Variants in MSRA observed in about 807,000 individuals in gnomAD.
The protein encoded by MSRA is methionine sulfoxide reductase A, also known as mitochondrial peptide methionine sulfoxide reductase.
MSRA carries 54 observed loss-of-function variants against 31.3 expected under a neutral mutation model. The ratio of observed to expected loss-of-function variants is 1.73; its 90% CI spans 1.39 to 2.17. The LOEUF (loss-of-function observed/expected upper bound fraction) is 2.17, where lower values mean the gene tolerates loss of function less well. MSRA is among the 30% of genes most tolerant of loss of function. The pLI is 0.00. For missense variants in MSRA, 507 were observed against 300.9 expected (o/e 1.69, Z -5.07); for synonymous variants, 169 against 116.5 (o/e 1.45, Z -2.90).
intron 1 of MSRA, among the ~76,000 whole-genome samples, chr8:10,111,887 A>T (rs999102316): frequency 2.0e-5 from 3 of 152,142 alleles, no homozygotes; most frequent in African/African-American, 7.2e-5. Flanking sequence ...ACGGAGGAGG[A>T]TGGTGACACT....
intron 1 of MSRA, among the ~76,000 whole-genome samples, chr8:10,112,027 A>G (rs1219579391): frequency 8.4e-6 from 1 of 119,142 alleles, no homozygotes; most frequent in African/African-American, 2.6e-5. Flanking sequence ...TCTTTTTAAG[A>G]CTCAGTTTTT....
At chr8:10,419,001 C>T (rs1190659881) in intron 5 of MSRA, among the ~76,000 whole-genome samples, 3 of 151,834 alleles carry the variant, frequency 2.0e-5, no homozygotes, top group Non-Finnish European at 4.4e-5. Context: ...GTCAGTCCTA[C>T]TAAGGCGGGA....
intron 4 of MSRA, among the ~76,000 whole-genome samples, chr8:10,302,303 A>C (rs1399606976): frequency 6.6e-6 from 1 of 152,258 alleles, no homozygotes; most frequent in African/African-American, 2.4e-5. Context: ...AAGCAATTTC[A>C]AGATCGCATC....
intron 4 of MSRA, among the ~76,000 whole-genome samples, chr8:10,317,164 T>G (rs1801772890): frequency 1.3e-5 from 2 of 152,222 alleles, no homozygotes; most frequent in African/African-American, 4.8e-5. Flanking sequence ...AGATAGCGAT[T>G]TCAGACCCTG....
chr8:10,168,698 T>TA (rs1190665950), intron 1 of MSRA, among the ~76,000 whole-genome samples: 4 of 152,154 alleles, frequency 2.6e-5, no homozygotes, highest in Non-Finnish European at 4.4e-5. Context: ...CGACCACACT[T>TA]CTGTTTTCAG....
intron 1 of MSRA, among the ~76,000 whole-genome samples, chr8:10,106,443 T>G (rs891762961): frequency 1.3e-5 from 2 of 152,214 alleles, no homozygotes; most frequent in Non-Finnish European, 2.9e-5. Flanking sequence ...CTCTACTGTT[T>G]AAAAGTTTTA....
At chr8:10,387,225 G>C (rs887189415) in intron 5 of MSRA, among the ~76,000 whole-genome samples, 1 of 152,204 alleles carries the variant, frequency 6.6e-6, no homozygotes, top group African/African-American at 2.4e-5. Context: ...TAACATGATC[G>C]ATGTCACAAA....
Position 10,095,436 on chromosome 8 carries a change from T to G in MSRA, c.142+40778T>G, listed in dbSNP as rs115962550. ...GGTACCGTACCACGGTTTCCTGTTT[T>G]CAAATGTATTAATTGATCCGCAAAG... is the stretch of plus-strand genomic sequence containing the variant. On this transcript the variant is annotated intron_variant, in intron 1 of 5. Transcript: ENST00000317173. 1,887 of 982,510 alleles carry G rather than the reference T, an allele frequency of 1.9e-3. 23 individuals are homozygous for G. In the African/African-American group the frequency reaches 0.029, roughly 15 times the overall value. 60.9% of individuals were successfully genotyped at this position (982,510 alleles called of 1,614,324 possible).
chr8:10,354,527 T>C lies in MSRA; in HGVS notation c.543+34538T>C, dbSNP rs181096852. On this transcript the variant is annotated intron_variant, in intron 5 of 5. Coordinates refer to ENST00000317173, the MANE Select transcript of MSRA (RefSeq NM_012331.5). ...CCTTTGCTAATCATATTTTAAAACA[T>C]TTTGGTATGTATGCTTCTATTCCTT... Among the ~76,000 whole-genome samples, 6 of 152,292 alleles carry C rather than the reference T, an allele frequency of 3.9e-5. No individual in the cohort carries two copies. The East Asian group carries it at 1.2e-3, about 29-fold the overall frequency.
chr8:10,145,124 A>C (rs1803029457), intron 1 of MSRA, among the ~76,000 whole-genome samples: 1 of 152,140 alleles, frequency 6.6e-6, no homozygotes. Context: ...AGCATACTGA[A>C]ATGAAGTCTA....
intron 5 of MSRA, among the ~76,000 whole-genome samples, chr8:10,340,350 A>G (rs986412790): frequency 2.0e-5 from 3 of 152,228 alleles, no homozygotes; most frequent in South Asian, 4.1e-4. Context: ...TGGCAAGTCT[A>G]TGAGCCATCA....
intron 1 of MSRA, among the ~76,000 whole-genome samples, chr8:10,164,555 G>A (rs1389120046): frequency 1.3e-5 from 2 of 152,184 alleles, no homozygotes; most frequent in Admixed American, 6.5e-5. Context: ...ACAACCCAAT[G>A]TCACAGAGAA....
At chr8:10,210,360 G>C (rs1172265560) in intron 2 of MSRA, among the ~76,000 whole-genome samples, 1 of 152,172 alleles carries the variant, frequency 6.6e-6, no homozygotes, top group Admixed American at 6.5e-5. Flanking sequence ...CTCTGCACTG[G>C]TTCAAGGAAC....
chr8:10,320,133 G>A, intron 5 of MSRA, 144 bp downstream of exon 5: 1 of 577,854 alleles, frequency 1.7e-6, no homozygotes, highest in Non-Finnish European at 3.1e-6. Flanking sequence ...GCCTCTAGGA[G>A]TGGAGCCATT....
chr8:10,205,230 A>G (rs1488394404), intron 1 of MSRA, among the ~76,000 whole-genome samples: 1 of 152,164 alleles, frequency 6.6e-6, no homozygotes. Flanking sequence ...TACAAGAGTT[A>G]GAAGGCAGAT....
intron 1 of MSRA, among the ~76,000 whole-genome samples, chr8:10,146,566 T>C (rs925332761): frequency 1.3e-5 from 2 of 151,234 alleles, no homozygotes; most frequent in African/African-American, 2.4e-5. Context: ...GTACCAGGGG[T>C]ATTTTGGGGG....
chr8:10,288,720 T>C (rs1402427591), intron 3 of MSRA, among the ~76,000 whole-genome samples: 12 of 152,222 alleles, frequency 7.9e-5, no homozygotes, highest in Non-Finnish European at 1.5e-5. Flanking sequence ...ACATTTATTA[T>C]TAATAGTTTA....
chr8:10,374,613 G>C (rs1805656717), intron 5 of MSRA, among the ~76,000 whole-genome samples: 1 of 152,218 alleles, frequency 6.6e-6, no homozygotes, highest in African/African-American at 2.4e-5. Flanking sequence ...ATTAGCAGGA[G>C]GTAGGTGGTC....
In MSRA at chr8:10,320,161, TA is replaced by T. The variant is rs1156414664; in HGVS notation, c.543+175del. 1.0e-4 allele frequency: 50 copies of T among 480,878 alleles called. No homozygotes were observed. The East Asian group carries it at 1.7e-3, about 17-fold the overall frequency. The allele number at this position is 480,878 out of a possible 1,614,324, so 29.8% of individuals were successfully genotyped here. On this transcript the variant is annotated intron_variant, in intron 5 of 5. Transcript: ENST00000317173. ...GAGCCATTGTGTCTAATACGTGTGC[TA>T]AATGAGGTTTTAAGAGTAGGCCTGG...
Sources: gnomAD v4.1 joint callset for allele counts (sites outside exome capture counted in the v4.1 genomes callset) on GRCh38, gnomAD v4.1.1 for gene constraint, MANE v1.5 for transcripts, NCBI Gene and HGNC (gene_info 2026-07-23, HGNC 2026-07-21) for gene names.